The following ST13 variants were observed in gnomAD, a reference collection of about 807,000 sequenced individuals.
ST13 encodes ST13 Hsp70 interacting protein.
A neutral mutation model predicts 56.7 loss-of-function variants in ST13; 23 were observed. The observed-to-expected ratio is 0.41, with a 90% CI of 0.29 to 0.57. ST13 has a LOEUF of 0.57. ST13 is among the 20% of genes least tolerant of loss of function. ST13 has a pLI of 0.36. For synonymous variants in ST13, 132 were observed against 142.4 expected (o/e 0.93, Z 0.52); for missense variants, 369 against 459.9 (o/e 0.80, Z 1.81).
chr22:40,827,033 C>A, intron 11 of ST13, 63 bp downstream of exon 11: 1 of 1,561,044 alleles, frequency 6.4e-7, no homozygotes, highest in Non-Finnish European at 8.7e-7. Flanking sequence ...TTTGTCTCCA[C>A]ACAGAATTAT....
chr22:40,827,825 CT>C (rs1022952029), intron 10 of ST13, among the ~76,000 whole-genome samples: 1 of 151,976 alleles, frequency 6.6e-6, no homozygotes, highest in Non-Finnish European at 1.5e-5. Flanking sequence ...AGTAATAACA[CT>C]GTTAAAAAAG....
At chr22:40,828,902 A>C (rs2057741360) in intron 10 of ST13, among the ~76,000 whole-genome samples, 1 of 152,226 alleles carries the variant, frequency 6.6e-6, no homozygotes, top group Non-Finnish European at 1.5e-5. Flanking sequence ...TCAAATCTAA[A>C]TAAAATGTAC....
At chr22:40,853,015 CCAGA>C (rs1466856602) in intron 1 of ST13, among the ~76,000 whole-genome samples, 7 of 152,068 alleles carry the variant, frequency 4.6e-5, no homozygotes, top group Admixed American at 2.6e-4. Flanking sequence ...TAAGGGAAGG[CCAGA>C]CAAACCCAAA....
chr22:40,834,100 AC>A (rs2057766465), intron 7 of ST13, among the ~76,000 whole-genome samples: 1 of 151,916 alleles, frequency 6.6e-6, no homozygotes, highest in South Asian at 2.1e-4. Context: ...AATAGGCGAA[AC>A]CCCCTCTCTA....
At chr22:40,837,804 C>T (rs368031883) in intron 5 of ST13, among the ~76,000 whole-genome samples, 4 of 152,164 alleles carry the variant, frequency 2.6e-5, no homozygotes, top group African/African-American at 9.7e-5. Context: ...AAACGTGCTA[C>T]CACATCCAGC....
In ST13 at chr22:40,835,792, A is replaced by T; in HGVS notation, c.467+11T>A. ...TTTGCCAGGGGATGCTTTTCTGTTT[A>T]GAGTTCTCACCTGGCCCTCTTGGCA... On this transcript the variant is annotated intron_variant, in intron 6 of 11. Transcript: ENST00000216218. 1 of 1,613,318 alleles carries T rather than the reference A, an allele frequency of 6.2e-7. No homozygotes were observed. Among genetic ancestry groups the T allele is most frequent in the East Asian group, 2.2e-5 (1 of 44,886 alleles).
chr22:40,831,051 C>T (rs2057751594), intron 8 of ST13, 95 bp from the exon 9 acceptor site: 4 of 810,604 alleles, frequency 4.9e-6, no homozygotes, highest in Admixed American at 2.2e-5. Context: ...ATTCAACATG[C>T]AGTTCAGAAA....
chr22:40,844,555 T>C (rs1461765312), intron 4 of ST13, among the ~76,000 whole-genome samples: 1 of 152,176 alleles, frequency 6.6e-6, no homozygotes, highest in African/African-American at 2.4e-5. Flanking sequence ...AGATATTCCA[T>C]CAAGAGCAAC....
chr22:40,840,529 G>C, intron 5 of ST13, 97 bp downstream of exon 5: 3 of 1,043,672 alleles, frequency 2.9e-6, no homozygotes, highest in Non-Finnish European at 4.4e-6. Flanking sequence ...TCCAGTATAG[G>C]ACAGGTACAT....
At position 40,843,883 on chromosome 22, in the gene ST13, CA is replaced by C. The variant is rs766973514; in HGVS notation, c.315+955del. ...AGCCTCATTAGGAATCAGGAAAATG[CA>C]TTTTTTTTTTTTTTTTTAAATAGAG... is the stretch of plus-strand genomic sequence containing the variant. On this transcript the variant is annotated intron_variant, in intron 4 of 11. Transcript: ENST00000216218. Among the ~76,000 whole-genome samples the C allele has an allele frequency of 4.6e-3, 556 of 120,020 alleles. 3 individuals carry two copies. The highest frequency in any genetic ancestry group is 7.0e-3 in the Non-Finnish European group (415 of 59,674). The allele number at this position is 120,020 out of a possible 152,430, so 78.7% of individuals were successfully genotyped here. A position where few individuals can be genotyped will look rare whatever the true frequency, so the allele number is the denominator to read the frequency against.
chr22:40,846,727 T>C (rs1048251568), intron 3 of ST13, among the ~76,000 whole-genome samples: 1 of 152,064 alleles, frequency 6.6e-6, no homozygotes, highest in African/African-American at 2.4e-5. Context: ...GCGTGGTGGC[T>C]CACACCTGTA....
chr22:40,825,854 T>A lies in ST13; in HGVS notation c.*684A>T, dbSNP rs1351885527. 6.6e-6 allele frequency: 1 copy of A among 152,556 alleles called. No homozygotes were observed. The highest frequency in any genetic ancestry group is 1.5e-5 in the Non-Finnish European group (1 of 68,022). The allele number at this position is 152,556 out of a possible 1,614,324, so 9.5% of individuals were successfully genotyped here. A position where few individuals can be genotyped will look rare whatever the true frequency, so the allele number is the denominator to read the frequency against. ...ACTGGACAACAAGAGAACTAAGTACTCCAACTCTACTGCAGCATTACAAAA... is the reference window on the plus strand; with the variant it reads ...ACTGGACAACAAGAGAACTAAGTACACCAACTCTACTGCAGCATTACAAAA... On this transcript the variant is annotated 3_prime_UTR_variant, in exon 12 of 12. Coordinates refer to ENST00000216218, the MANE Select transcript of ST13 (RefSeq NM_003932.5).
chr22:40,856,568 G>C lies in ST13; in HGVS notation c.-28C>G, dbSNP rs776804893. On this transcript the variant is annotated 5_prime_UTR_variant, in exon 1 of 12. Transcript: ENST00000216218. ...TAGGGAGGTGGTGGGCGAAACTGGG[G>C]GGGCTACGGCCCGGTTCCAGGCCCA... 1 of 1,589,970 alleles carries C rather than the reference G, an allele frequency of 6.3e-7. No homozygotes were observed. Among genetic ancestry groups the C allele is most frequent in the South Asian group, 1.1e-5 (1 of 90,574 alleles).
intron 1 of ST13, among the ~76,000 whole-genome samples, chr22:40,855,357 G>A (rs1188728883): frequency 1.3e-5 from 2 of 152,180 alleles, no homozygotes; most frequent in Admixed American, 1.3e-4. Context: ...ACTGATGCAG[G>A]AGGATCGCTT....
At chr22:40,826,719 G>C in intron 11 of ST13, 53 bp from the exon 12 acceptor site, 1 of 1,589,512 alleles carries the variant, frequency 6.3e-7, no homozygotes, top group Non-Finnish European at 8.6e-7. Context: ...GGGTCAGTAA[G>C]TTTATTATCC....
chr22:40,828,752 C>T (rs1035506572), intron 10 of ST13, among the ~76,000 whole-genome samples: 1 of 152,082 alleles, frequency 6.6e-6, no homozygotes, highest in Non-Finnish European at 1.5e-5. Flanking sequence ...TAAAATATGG[C>T]CATTAATAAC....
intron 1 of ST13, among the ~76,000 whole-genome samples, chr22:40,852,748 T>C (rs1464386216): frequency 6.6e-6 from 1 of 152,198 alleles, no homozygotes. Context: ...GATTTAATGA[T>C]AAGGAACAGG....
At chr22:40,856,352 G>T in intron 1 of ST13, 79 bp downstream of exon 1, 1 of 1,306,958 alleles carries the variant, frequency 7.7e-7, no homozygotes, top group Non-Finnish European at 1.1e-6. Flanking sequence ...TCGCCCGCCG[G>T]ACCGAGCCAG....
intron 3 of ST13, among the ~76,000 whole-genome samples, chr22:40,845,974 T>C (rs576832684): frequency 6.6e-6 from 1 of 152,198 alleles, no homozygotes; most frequent in Non-Finnish European, 1.5e-5. Context: ...TTCGCTTTTG[T>C]TGCCGAGGTT....
Sources: gnomAD v4.1 joint callset for allele counts (sites outside exome capture counted in the v4.1 genomes callset) on GRCh38, gnomAD v4.1.1 for gene constraint, MANE v1.5 for transcripts, NCBI Gene and HGNC (gene_info 2026-07-23, HGNC 2026-07-21) for gene names.